Variants in POLR1A observed in about 807,000 individuals in gnomAD.
The protein encoded by POLR1A is RNA polymerase I subunit A, also known as DNA-directed RNA polymerase I subunit RPA1.
Under a neutral mutation model 205.3 loss-of-function variants are expected in POLR1A, and 84 were observed. The ratio of observed to expected loss-of-function variants is 0.41; its 90% CI spans 0.34 to 0.49. POLR1A has a LOEUF of 0.49. POLR1A is among the 20% of genes least tolerant of loss of function. The pLI is 0.22. For missense variants in POLR1A, 1,645 were observed against 2,204.5 expected (o/e 0.75, Z 5.08); for synonymous variants, 799 against 863.7 (o/e 0.93, Z 1.31).
At chr2:86,066,738 C>T (rs1302201702) in intron 13 of POLR1A, among the ~76,000 whole-genome samples, 2 of 152,162 alleles carry the variant, frequency 1.3e-5, no homozygotes, top group Non-Finnish European at 2.9e-5. Flanking sequence ...GTCAAATGGT[C>T]TAAACACTAC....
chr2:86,038,003 G>A (rs542332217), intron 27 of POLR1A, among the ~76,000 whole-genome samples: 11 of 152,166 alleles, frequency 7.2e-5, no homozygotes, highest in African/African-American at 1.9e-4. Context: ...ACACTTCACC[G>A]TCTAGGGTTA....
Position 86,078,198 on chromosome 2 carries a change from C to G in POLR1A, c.1173G>C (p.Trp391Cys). ...TATTGACGTGGCTCTGAAGGCGAATCCAAATGTTGTAAAGTTTGTCTATGA... is the reference window on the plus strand; with the variant it reads ...TATTGACGTGGCTCTGAAGGCGAATGCAAATGTTGTAAAGTTTGTCTATGA... ...QSLIDKLYNI[W>C]IRLQSHVNIV... Residue 391 changes from tryptophan (W) to cysteine (C), a missense_variant, in exon 10 of 34, where the codon TGG (tryptophan) becomes TGC (cysteine). Transcript: ENST00000263857. 6.2e-7 allele frequency: 1 copy of G among 1,613,212 alleles called. No homozygotes were observed. The highest frequency in any genetic ancestry group is 8.5e-7 in the Non-Finnish European group (1 of 1,179,850).
At position 86,030,351 on chromosome 2, in the gene POLR1A, A is replaced by T. The variant is rs778984735; in HGVS notation, c.4624T>A (p.Ser1542Thr). 1 of 1,614,132 alleles carries T rather than the reference A, an allele frequency of 6.2e-7. No homozygotes were observed. Among genetic ancestry groups the T allele is most frequent in the Non-Finnish European group, 8.5e-7 (1 of 1,180,000 alleles). Reference sequence around the variant, plus strand: ...CCATGGGCCAAAGATACTACCAGGGAGCTCATGTCAAAGTTGATCTTCATC... The same window carrying T: ...CCATGGGCCAAAGATACTACCAGGGTGCTCATGTCAAAGTTGATCTTCATC... ...PLMKINFDMS[S>T]LVVSLAHGAV... Residue 1542 changes from serine (S) to threonine (T), a missense_variant, in exon 31 of 34, where the codon TCC (serine) becomes ACC (threonine). Physicochemically the swap from Ser to Thr is moderately conservative, Grantham distance 58 (BLOSUM62 1). Around this residue, in one of 16 missense-constraint regions of POLR1A, gnomAD observed 394 missense variants for 468.5 expected, o/e 0.84. Coordinates refer to ENST00000263857, the MANE Select transcript of POLR1A (RefSeq NM_015425.6).
rs1441891091 is a variant in POLR1A, at chr2:86,045,670, G to T, written c.2833C>A (p.Pro945Thr). The T allele has an allele frequency of 6.2e-7, 1 of 1,613,646 alleles. No individual in the cohort carries two copies. Among genetic ancestry groups the T allele is most frequent in the Non-Finnish European group, 8.5e-7 (1 of 1,179,912 alleles). ...LPCFEPYEFT[P>T]RAGGFVTGRF... is the part of the protein sequence containing the mutation. ...CCAGTGACAAAGCCACCAGCCCTGG[G>T]GGTGAACTCATAAGGCTCAAAGCAG... The change falls in exon 20 of 34, where the codon CCC (proline) becomes ACC (threonine). Residue 945 changes from proline to threonine, a missense_variant. Physicochemically the swap from Pro to Thr is conservative, Grantham distance 38. Around this residue, in one of 16 missense-constraint regions of POLR1A, gnomAD observed 339 missense variants for 415.1 expected, o/e 0.82. Transcript: ENST00000263857.
intron 14 of POLR1A, among the ~76,000 whole-genome samples, chr2:86,058,111 C>T (rs147576007): frequency 4.8e-4 from 73 of 152,180 alleles, no homozygotes; most frequent in African/African-American, 1.4e-3. Context: ...CTACTCTATT[C>T]ATTTATTGAG....
Position 86,040,412 on chromosome 2 carries a change from G to A in POLR1A, c.3720C>T (p.Asn1240=), listed in dbSNP as rs373364341. 39 of 1,610,582 alleles carry A rather than the reference G, an allele frequency of 2.4e-5. No individual in the cohort carries two copies. The highest frequency in any genetic ancestry group is 1.2e-4 in the South Asian group (11 of 90,480). Residue 1240 remains asparagine (N), a synonymous_variant, in exon 25 of 34, where the codon AAC becomes AAT. Coordinates refer to ENST00000263857, the MANE Select transcript of POLR1A (RefSeq NM_015425.6). The part of the protein sequence containing the change: ...TFHFAGRGEM[N]VTLGIPRLRE... ...CACACCTTGGAATGCCCAGGGTGAC[G>A]TTCATCTCGCCTCTGCCTGCAAAGT... is the stretch of plus-strand genomic sequence containing the variant.
At chr2:86,062,923 C>T (rs1038804858) in intron 14 of POLR1A, among the ~76,000 whole-genome samples, 2 of 152,170 alleles carry the variant, frequency 1.3e-5, no homozygotes, top group Non-Finnish European at 2.9e-5. Context: ...CCTATAAATT[C>T]AGTAACTTAG....
intron 27 of POLR1A, among the ~76,000 whole-genome samples, chr2:86,034,979 T>G (rs1251579658): frequency 1.3e-5 from 2 of 152,122 alleles, no homozygotes; most frequent in Non-Finnish European, 2.9e-5. Context: ...CAAACGATTC[T>G]CATGCCTCAG....
chr2:86,057,318 T>A (rs983662892), intron 14 of POLR1A, among the ~76,000 whole-genome samples: 1 of 152,206 alleles, frequency 6.6e-6, no homozygotes, highest in Non-Finnish European at 1.5e-5. Flanking sequence ...AAATAAGTGT[T>A]GGTGAAAATG....
chr2:86,090,920 C>T (rs756439600), intron 3 of POLR1A, among the ~76,000 whole-genome samples: 4 of 152,194 alleles, frequency 2.6e-5, no homozygotes, highest in Non-Finnish European at 5.9e-5. Context: ...ATTGCCACTG[C>T]ACTACTCCAC....
rs146078741 is a variant in POLR1A, at chr2:86,089,889, C to T, written c.473G>A (p.Arg158Gln). 2.8e-5 allele frequency: 45 copies of T among 1,612,132 alleles called. No individual in the cohort carries two copies. The highest frequency in any genetic ancestry group is 1.2e-4 in the African/African-American group (9 of 74,874). ...ENPDPSASEI[R>Q]EELEQYTTEI... Reference sequence around the variant, plus strand: ...AGTTGTGTATTGTTCTAATTCCTCCCGAATTTCAGAGGCAGAGGGATCGGG... The same window carrying T: ...AGTTGTGTATTGTTCTAATTCCTCCTGAATTTCAGAGGCAGAGGGATCGGG... The change falls in exon 4 of 34, where the codon CGG (arginine) becomes CAG (glutamine). Residue 158 changes from arginine (R) to glutamine (Q), a missense_variant. Arg to Gln is a conservative substitution (Grantham distance 43). Coordinates refer to ENST00000263857, the MANE Select transcript of POLR1A (RefSeq NM_015425.6).
chr2:86,047,278 A>G lies in POLR1A; in HGVS notation c.2635-15T>C. ...GGCATGCATGCCTGCAGATTAAATC[A>G]GCACAGTGGTCAGTGACTTCACCTT... On this transcript the variant is annotated splice_polypyrimidine_tract_variant and intron_variant, in intron 18 of 33. Transcript: ENST00000263857. 6.4e-7 allele frequency: 1 copy of G among 1,560,604 alleles called. No individual in the cohort carries two copies. The highest frequency in any genetic ancestry group is 8.8e-7 in the Non-Finnish European group (1 of 1,132,252).
rs552469626 is a variant in POLR1A, at chr2:86,041,664, T to A, written c.3572+225A>T. 8.5e-4 allele frequency among the ~76,000 whole-genome samples: 129 copies of A among 152,230 alleles called. 1 individual carries two copies. The highest frequency in any genetic ancestry group is 2.9e-3 in the African/African-American group (122 of 41,552). Reference sequence around the variant, plus strand: ...GCCTCCCAGCAGACCACTATCCCTATCTTGGCCCAGATGGGGGTGTCCACT... The same window carrying A: ...GCCTCCCAGCAGACCACTATCCCTAACTTGGCCCAGATGGGGGTGTCCACT... On this transcript the variant is annotated intron_variant, in intron 24 of 33. Transcript: ENST00000263857.
At chr2:86,027,777 C>G in intron 33 of POLR1A, 108 bp downstream of exon 33, 1 of 1,309,762 alleles carries the variant, frequency 7.6e-7, no homozygotes, top group Non-Finnish European at 1.1e-6. Flanking sequence ...CCTCAGATCC[C>G]AAGATCCCAC....
chr2:86,071,999 A>G (rs311579), intron 12 of POLR1A, among the ~76,000 whole-genome samples: 46,486 of 152,102 alleles, frequency 0.31, 8,460 homozygotes, highest in East Asian at 0.53. Flanking sequence ...GTTTCTTCTT[A>G]TGTTGCCCAC....
In POLR1A at chr2:86,023,761, T is replaced by C. The variant is rs1449583897; in HGVS notation, c.*3662A>G. 1 of 151,636 alleles carries C rather than the reference T, an allele frequency of 6.6e-6. No individual in the cohort carries two copies. Among genetic ancestry groups the C allele is most frequent in the African/African-American group, 2.4e-5 (1 of 41,294 alleles). 9.4% of individuals were successfully genotyped at this position (151,636 alleles called of 1,614,324 possible). A position where few individuals can be genotyped will look rare whatever the true frequency, so the allele number is the denominator to read the frequency against. On this transcript the variant is annotated 3_prime_UTR_variant, in exon 34 of 34. Transcript: ENST00000263857. Reference sequence around the variant, plus strand: ...AGCAGGGTCTGAGTTTTTGTTTTTTTTTTTTTTTGAGACGGAATCTCACTC... The same window carrying C: ...AGCAGGGTCTGAGTTTTTGTTTTTTCTTTTTTTTGAGACGGAATCTCACTC...
At chr2:86,058,398 CT>C (rs11350157) in intron 14 of POLR1A, among the ~76,000 whole-genome samples, 18,847 of 120,076 alleles carry the variant, frequency 0.16, 3,364 homozygotes, top group African/African-American at 0.46. Context: ...CTCACCCAGC[CT>C]TTTTTTTTTT....
chr2:86,033,614 G>A, intron 28 of POLR1A, 47 bp downstream of exon 28: 1 of 1,597,162 alleles, frequency 6.3e-7, no homozygotes, highest in Non-Finnish European at 8.6e-7. Flanking sequence ...TGCCCAGTCT[G>A]GGGGCTGTCC....
chr2:86,097,214 C>CAAAAAAAAAAAAAA (rs757210116), intron 3 of POLR1A, among the ~76,000 whole-genome samples: 684 of 39,690 alleles, frequency 0.017, 257 homozygotes, highest in South Asian at 0.054. Context: ...CCCCAAAAGA[C>CAAAAAAAAAAAAAA]AAAAAAAAAA....
Sources: allele counts gnomAD v4.1 joint callset (sites outside exome capture counted in the v4.1 genomes callset), GRCh38; gene constraint gnomAD v4.1.1; regional missense constraint gnomAD v4.1.1; transcripts MANE v1.5; gene names NCBI Gene and HGNC (gene_info 2026-07-23, HGNC 2026-07-21).